MDGA2: variants seen among roughly 807,000 people sequenced by gnomAD.
MDGA2 encodes MAM domain containing glycosylphosphatidylinositol anchor 2, also known as MAM domain-containing glycosylphosphatidylinositol anchor protein 2.
In MDGA2, 40 loss-of-function variants were observed where a neutral mutation model predicts 117.8. The observed-to-expected ratio is 0.34, with a 90% CI of 0.26 to 0.44. MDGA2 has a LOEUF of 0.44. Ranked by LOEUF, MDGA2 falls within the 20% of genes least tolerant of loss-of-function variation. The pLI is 1.00. For missense variants in MDGA2, 1,123 were observed against 1,250.6 expected (o/e 0.90, Z 1.54); for synonymous variants, 452 against 439.0 (o/e 1.03, Z -0.37).
chr14:47,318,809 A>AGAAG (rs889892249), intron 1 of MDGA2, among the ~76,000 whole-genome samples: 18 of 91,746 alleles, frequency 2.0e-4, no homozygotes, highest in East Asian at 4.2e-4. Flanking sequence ...AAGGGAGGAA[A>AGAAG]GAAGGAAGGA....
intron 5 of MDGA2, among the ~76,000 whole-genome samples, chr14:47,104,168 C>A (rs1287164240): frequency 6.6e-6 from 1 of 152,120 alleles, no homozygotes; most frequent in Non-Finnish European, 1.5e-5. Context: ...TAAGACTTTG[C>A]AAAATATAGT....
chr14:47,515,083 G>A (rs1894724029), intron 1 of MDGA2, among the ~76,000 whole-genome samples: 1 of 152,146 alleles, frequency 6.6e-6, no homozygotes. Flanking sequence ...GAAGAACAGA[G>A]TAGAAAAGTG....
At chr14:46,970,134 C>A (rs1886207314) in intron 8 of MDGA2, among the ~76,000 whole-genome samples, 1 of 151,518 alleles carries the variant, frequency 6.6e-6, no homozygotes, top group Non-Finnish European at 1.5e-5. Flanking sequence ...CCAAAGCAAT[C>A]TATAGATTCA....
intron 9 of MDGA2, among the ~76,000 whole-genome samples, chr14:46,953,789 A>C (rs1885455949): frequency 6.6e-6 from 1 of 152,042 alleles, no homozygotes; most frequent in Non-Finnish European, 1.5e-5. Flanking sequence ...TTGATTGCTA[A>C]ATATTTAGGA....
At chr14:46,933,231 G>A (rs1884646154) in intron 9 of MDGA2, among the ~76,000 whole-genome samples, 1 of 151,918 alleles carries the variant, frequency 6.6e-6, no homozygotes, top group South Asian at 2.1e-4. Flanking sequence ...TTTGAGTAGA[G>A]TTCTGTCATA....
intron 14 of MDGA2, among the ~76,000 whole-genome samples, chr14:46,858,529 G>T (rs1953511988): frequency 6.8e-6 from 1 of 148,082 alleles, no homozygotes; most frequent in Admixed American, 6.9e-5. Flanking sequence ...CCGGGTTCAC[G>T]CCATTCTCCT....
chr14:46,957,784 G>C, intron 8 of MDGA2, 141 bp from the exon 9 acceptor site: 1 of 942,700 alleles, frequency 1.1e-6, no homozygotes, highest in Non-Finnish European at 1.5e-6. Flanking sequence ...ACATATTTAA[G>C]CCCAGAAATT....
At chr14:47,514,448 A>AG (rs1204926749) in intron 1 of MDGA2, among the ~76,000 whole-genome samples, 3 of 152,212 alleles carry the variant, frequency 2.0e-5, no homozygotes, top group Middle Eastern at 6.8e-3. Flanking sequence ...TTGGAGAAGG[A>AG]GGGGTATTTA....
chr14:47,395,426 T>C (rs1439192585), intron 1 of MDGA2, among the ~76,000 whole-genome samples: 1 of 152,158 alleles, frequency 6.6e-6, no homozygotes, highest in Non-Finnish European at 1.5e-5. Context: ...TATATCTACA[T>C]ACAATATTTC....
intron 1 of MDGA2, among the ~76,000 whole-genome samples, chr14:47,594,128 G>T (rs1896493372): frequency 6.6e-6 from 1 of 152,108 alleles, no homozygotes; most frequent in South Asian, 2.1e-4. Context: ...ATTCAGCATA[G>T]AGTGAAGCAA....
intron 1 of MDGA2, among the ~76,000 whole-genome samples, chr14:47,516,395 A>G (rs1340122980): frequency 1.3e-5 from 2 of 152,108 alleles, no homozygotes; most frequent in Non-Finnish European, 2.9e-5. Flanking sequence ...TCCTCTGCCA[A>G]ATTCCTTTGA....
At chr14:46,945,421 C>G (rs1287493881) in intron 9 of MDGA2, among the ~76,000 whole-genome samples, 1 of 152,038 alleles carries the variant, frequency 6.6e-6, no homozygotes, top group Non-Finnish European at 1.5e-5. Flanking sequence ...AGCTGAAATT[C>G]TGGCTTCCTT....
intron 5 of MDGA2, among the ~76,000 whole-genome samples, chr14:47,128,963 A>G (rs1882046730): frequency 6.6e-6 from 1 of 152,124 alleles, no homozygotes; most frequent in East Asian, 1.9e-4. Flanking sequence ...TGCTGGGATT[A>G]CAGGAGTGAG....
intron 3 of MDGA2, among the ~76,000 whole-genome samples, chr14:47,206,847 C>T (rs950011520): frequency 6.6e-6 from 1 of 151,866 alleles, no homozygotes; most frequent in Admixed American, 6.6e-5. Flanking sequence ...GCTATTATTG[C>T]ACCACTGTAC....
chr14:47,274,518 T>C (rs190662845), intron 2 of MDGA2, among the ~76,000 whole-genome samples: 3 of 152,280 alleles, frequency 2.0e-5, no homozygotes, highest in African/African-American at 7.2e-5. Context: ...TTTGGTACTA[T>C]GAGCACTGTT....
chr14:47,351,932 C>CAT (rs1426722864), intron 1 of MDGA2, among the ~76,000 whole-genome samples: 8 of 140,608 alleles, frequency 5.7e-5, no homozygotes, highest in Non-Finnish European at 9.4e-5. Context: ...CACACACACA[C>CAT]ACACACAAAC....
chr14:46,852,366 T>TA (rs34052837), intron 15 of MDGA2, among the ~76,000 whole-genome samples: 29,647 of 150,966 alleles, frequency 0.2, 3,462 homozygotes, highest in Non-Finnish European at 0.25. Context: ...ATACAAAGTT[T>TA]TAGGCCATGG....
chr14:47,324,142 G>T (rs2139886851), intron 1 of MDGA2, among the ~76,000 whole-genome samples: 1 of 152,218 alleles, frequency 6.6e-6, no homozygotes, highest in Non-Finnish European at 1.5e-5. Context: ...CTACTAGGGA[G>T]GCTGAGGCAA....
chr14:46,864,183 A>T (rs1020848103), intron 14 of MDGA2, among the ~76,000 whole-genome samples: 2 of 150,984 alleles, frequency 1.3e-5, no homozygotes, highest in Non-Finnish European at 3.0e-5. Context: ...GGGACAGAAA[A>T]GTTTTGGAAT....
Sources: gnomAD v4.1 joint callset for allele counts (sites outside exome capture counted in the v4.1 genomes callset) on GRCh38, gnomAD v4.1.1 for gene constraint, MANE v1.5 for transcripts, NCBI Gene and HGNC (gene_info 2026-07-23, HGNC 2026-07-21) for gene names.